Variants in SPATA17 observed in about 807,000 individuals in gnomAD.
SPATA17 encodes spermatogenesis-associated protein 17.
Under a neutral mutation model 62.2 loss-of-function variants are expected in SPATA17, and 53 were observed. The observed-to-expected ratio is 0.85, with a 90% confidence interval of 0.68 to 1.07. The LOEUF is 1.07. Among genes scored for constraint, SPATA17 ranks in the 50% least tolerant of loss-of-function variants. The pLI is 0.00. For missense variants in SPATA17, 466 were observed against 425.5 expected (o/e 1.10, Z -0.84); for synonymous variants, 146 against 146.8 (o/e 0.99, Z 0.04).
chr1:217,643,720 A>C (rs34924814), intron 1 of SPATA17, among the ~76,000 whole-genome samples: 36,636 of 145,598 alleles, frequency 0.25, 4,844 homozygotes, highest in Non-Finnish European at 0.29. Flanking sequence ...CTCTCTATAT[A>C]TATATATATA....
chr1:217,720,941 A>G (rs1672112812), intron 5 of SPATA17, among the ~76,000 whole-genome samples: 1 of 152,180 alleles, frequency 6.6e-6, no homozygotes, highest in Non-Finnish European at 1.5e-5. Flanking sequence ...TAGTCACTGA[A>G]TCTGTGTAAG....
At chr1:217,689,898 T>G (rs1350801804) in intron 5 of SPATA17, among the ~76,000 whole-genome samples, 1 of 152,000 alleles carries the variant, frequency 6.6e-6, no homozygotes, top group Non-Finnish European at 1.5e-5. Flanking sequence ...CACTGCAGTT[T>G]TTCTTTTTCT....
intron 5 of SPATA17, among the ~76,000 whole-genome samples, chr1:217,741,129 TAA>T (rs1422737800): frequency 6.6e-6 from 1 of 152,196 alleles, no homozygotes; most frequent in Admixed American, 6.5e-5. Flanking sequence ...AACTAGACAC[TAA>T]GTTACTTACC....
At chr1:217,682,887 T>C (rs1485948366) in intron 4 of SPATA17, among the ~76,000 whole-genome samples, 1 of 151,926 alleles carries the variant, frequency 6.6e-6, no homozygotes, top group Non-Finnish European at 1.5e-5. Flanking sequence ...TATATTTCAA[T>C]GAGACCAAAT....
At chr1:217,861,135 T>C (rs1289850131) in intron 9 of SPATA17, among the ~76,000 whole-genome samples, 1 of 152,050 alleles carries the variant, frequency 6.6e-6, no homozygotes, top group Non-Finnish European at 1.5e-5. Flanking sequence ...ATTGCTGTCA[T>C]TTATTTCCCT....
chr1:217,750,897 A>T (rs997908430), intron 6 of SPATA17, among the ~76,000 whole-genome samples: 1 of 152,202 alleles, frequency 6.6e-6, no homozygotes, highest in African/African-American at 2.4e-5. Context: ...GTTTGAATAC[A>T]TTCTGTAAAG....
At chr1:217,808,650 G>A (rs949922741) in intron 9 of SPATA17, among the ~76,000 whole-genome samples, 15 of 152,006 alleles carry the variant, frequency 9.9e-5, no homozygotes, top group African/African-American at 2.7e-4. Context: ...TCAAGAGATC[G>A]AGACCATCCT....
Position 217,686,084 on chromosome 1 carries a change from A to G in SPATA17, c.395+2723A>G, listed in dbSNP as rs566346895. ...AGGCAGCCACAAAGAGCCTTGGAAC[A>G]CATTCTCTGTGAATAACAGGGGACT... On this transcript the variant is annotated intron_variant, in intron 5 of 10. Coordinates refer to ENST00000366933, the MANE Select transcript of SPATA17 (RefSeq NM_138796.4). Among the ~76,000 whole-genome samples the G allele has an allele frequency of 2.0e-5, 3 of 152,302 alleles. No homozygotes were observed. The East Asian group carries it at 5.8e-4, about 29-fold the overall frequency.
intron 6 of SPATA17, among the ~76,000 whole-genome samples, chr1:217,760,368 A>T (rs75569461): frequency 0.018 from 2,753 of 152,324 alleles, 47 homozygotes; most frequent in Non-Finnish European, 0.03. Flanking sequence ...AAGTGAAAAA[A>T]ATTCTAATCA....
chr1:217,640,398 A>C (rs1197476933), intron 1 of SPATA17, among the ~76,000 whole-genome samples: 1 of 134,560 alleles, frequency 7.4e-6, no homozygotes, highest in Non-Finnish European at 1.6e-5. Context: ...AGTTCGCAGG[A>C]TGCAAGGGCA....
chr1:217,738,485 C>G (rs1172410810), intron 5 of SPATA17, among the ~76,000 whole-genome samples: 1 of 152,188 alleles, frequency 6.6e-6, no homozygotes, highest in Non-Finnish European at 1.5e-5. Context: ...TGTGTACCAG[C>G]CACTATTTTG....
At chr1:217,743,314 G>A (rs956828998) in intron 6 of SPATA17, among the ~76,000 whole-genome samples, 3 of 151,888 alleles carry the variant, frequency 2.0e-5, no homozygotes, top group African/African-American at 7.2e-5. Flanking sequence ...AATTTTAGTT[G>A]TATAATTGAG....
At chr1:217,658,930 C>T (rs2102889363) in intron 3 of SPATA17, among the ~76,000 whole-genome samples, 1 of 152,084 alleles carries the variant, frequency 6.6e-6, no homozygotes, top group South Asian at 2.1e-4. Flanking sequence ...GTCGCCTGAG[C>T]CACGAGGGCA....
chr1:217,778,616 CT>C (rs1323419083), intron 7 of SPATA17, among the ~76,000 whole-genome samples: 1 of 152,030 alleles, frequency 6.6e-6, no homozygotes, highest in Non-Finnish European at 1.5e-5. Flanking sequence ...TTGCATACAA[CT>C]TTTTAGGAAA....
chr1:217,832,790 A>T (rs1675173657), intron 9 of SPATA17, among the ~76,000 whole-genome samples: 1 of 152,014 alleles, frequency 6.6e-6, no homozygotes, highest in African/African-American at 2.4e-5. Flanking sequence ...AAAAAATAGA[A>T]AAGTCAGCTG....
At chr1:217,718,872 C>CA (rs1225558274) in intron 5 of SPATA17, among the ~76,000 whole-genome samples, 2 of 151,934 alleles carry the variant, frequency 1.3e-5, no homozygotes, top group East Asian at 1.9e-4. Context: ...CAAAACAAAA[C>CA]AAACAAAAAA....
At chr1:217,639,732 C>G (rs1410162273) in intron 1 of SPATA17, among the ~76,000 whole-genome samples, 1 of 152,106 alleles carries the variant, frequency 6.6e-6, no homozygotes, top group Non-Finnish European at 1.5e-5. Context: ...TCCAAGTGAT[C>G]ATAGGCAATA....
chr1:217,633,710 G>T (rs1451895490), intron 1 of SPATA17, among the ~76,000 whole-genome samples: 5 of 152,226 alleles, frequency 3.3e-5, no homozygotes, highest in African/African-American at 1.2e-4. Context: ...GTAGGGAACA[G>T]AGTTGTGGGA....
At chr1:217,828,732 A>G (rs892527816) in intron 9 of SPATA17, among the ~76,000 whole-genome samples, 2 of 152,098 alleles carry the variant, frequency 1.3e-5, no homozygotes, top group Non-Finnish European at 2.9e-5. Flanking sequence ...TTTATAAAGA[A>G]CATTTACAAC....
Sources: allele counts gnomAD v4.1 joint callset (sites outside exome capture counted in the v4.1 genomes callset), GRCh38; gene constraint gnomAD v4.1.1; transcripts MANE v1.5; gene names NCBI Gene and HGNC (gene_info 2026-07-23, HGNC 2026-07-21).